Variants in SNTG2 observed in about 807,000 individuals in gnomAD.
SNTG2 encodes the protein gamma-2-syntrophin.
A neutral mutation model predicts 70.9 loss-of-function variants in SNTG2; 74 were observed. The ratio of observed to expected loss-of-function variants is 1.04; its 90% CI spans 0.86 to 1.27. The LOEUF (loss-of-function observed/expected upper bound fraction) is 1.27, where lower values mean the gene tolerates loss of function less well. Ranked by LOEUF, SNTG2 falls within the 50% of genes most tolerant of loss-of-function variation. SNTG2 has a pLI of 0.00. For missense variants in SNTG2, 717 were observed against 690.7 expected, an observed-to-expected ratio of 1.04 and a Z score of -0.43; for synonymous variants, 278 against 273.8, an observed-to-expected ratio of 1.02 and a Z score of -0.15.
At chr2:953,639 G>A (rs962368063) in intron 1 of SNTG2, among the ~76,000 whole-genome samples, 5 of 152,142 alleles carry the variant, frequency 3.3e-5, no homozygotes, top group Non-Finnish European at 7.4e-5. Context: ...TTCTATTGAC[G>A]TCTATGACAT....
At chr2:996,268 A>C (rs1239505009) in intron 1 of SNTG2, among the ~76,000 whole-genome samples, 2 of 152,196 alleles carry the variant, frequency 1.3e-5, no homozygotes, top group East Asian at 3.9e-4. Context: ...AGAACTTTTC[A>C]AACACTTACC....
chr2:1,065,274 G>A (rs1294766427), intron 1 of SNTG2, among the ~76,000 whole-genome samples: 1 of 152,078 alleles, frequency 6.6e-6, no homozygotes, highest in Non-Finnish European at 1.5e-5. Flanking sequence ...TCACCACAAG[G>A]CATCTGACAT....
intron 1 of SNTG2, among the ~76,000 whole-genome samples, chr2:957,656 C>T (rs530125509): frequency 6.6e-6 from 1 of 152,150 alleles, no homozygotes; most frequent in South Asian, 2.1e-4. Context: ...GTTCCCTCTT[C>T]TATAGATGAG....
chr2:1,202,624 G>T (rs1240332745), intron 8 of SNTG2, among the ~76,000 whole-genome samples: 1 of 152,112 alleles, frequency 6.6e-6, no homozygotes, highest in Non-Finnish European at 1.5e-5. Context: ...AAAGGTAAAA[G>T]TTGTCAGACT....
chr2:1,006,320 AG>A (rs1659570501), intron 1 of SNTG2, among the ~76,000 whole-genome samples: 1 of 152,040 alleles, frequency 6.6e-6, no homozygotes, highest in African/African-American at 2.4e-5. Flanking sequence ...ATTAAAAAAA[AG>A]AAAAAAAATG....
At chr2:990,764 A>G (rs969708105) in intron 1 of SNTG2, among the ~76,000 whole-genome samples, 2 of 152,190 alleles carry the variant, frequency 1.3e-5, no homozygotes, top group Admixed American at 1.3e-4. Context: ...ATTAAAATAA[A>G]TGCAATAAAA....
chr2:1,153,889 T>C (rs1669681259), intron 6 of SNTG2, among the ~76,000 whole-genome samples: 1 of 152,142 alleles, frequency 6.6e-6, no homozygotes, highest in South Asian at 2.1e-4. Context: ...TGGCAACTGC[T>C]AAAATAGGGA....
intron 14 of SNTG2, among the ~76,000 whole-genome samples, chr2:1,293,534 G>A (rs954648142): frequency 1.3e-4 from 20 of 150,522 alleles, no homozygotes; most frequent in Non-Finnish European, 2.5e-4. Flanking sequence ...ACTGTGTTGT[G>A]TGAATTCTGG....
At chr2:1,245,275 AAAAAG>A (rs2148126738) in intron 11 of SNTG2, among the ~76,000 whole-genome samples, 2 of 152,206 alleles carry the variant, frequency 1.3e-5, no homozygotes, top group East Asian at 3.9e-4. Flanking sequence ...AATAATAAAA[AAAAAG>A]GAAAAAAAAA....
rs1490301641 is a variant in SNTG2, at chr2:1,055,562, A to G, written c.73-27956A>G. On this transcript the variant is annotated intron_variant, in intron 1 of 16. Transcript: ENST00000308624. The stretch of plus-strand genomic sequence containing the variant: ...GCTGAATGCCCATCGAGACAAAAAT[A>G]CTAATTTTGAGTCAGTGTGATGCCA... Among the ~76,000 whole-genome samples the G allele has an allele frequency of 5.3e-5, 8 of 152,288 alleles. No homozygotes were observed. The South Asian group carries it at 1.7e-3, about 32-fold the overall frequency.
At chr2:1,308,009 C>T (rs1680787204) in intron 14 of SNTG2, among the ~76,000 whole-genome samples, 2 of 152,196 alleles carry the variant, frequency 1.3e-5, no homozygotes, top group African/African-American at 4.8e-5. Context: ...CAGTACTGCG[C>T]TGCTGCTTGG....
intron 10 of SNTG2, among the ~76,000 whole-genome samples, 156 bp downstream of exon 10, chr2:1,238,173 A>C (rs1227177279): frequency 6.6e-6 from 1 of 152,186 alleles, no homozygotes; most frequent in Non-Finnish European, 1.5e-5. Flanking sequence ...ATTAAAAATG[A>C]AGCCATCAGA....
intron 14 of SNTG2, among the ~76,000 whole-genome samples, chr2:1,272,690 C>A (rs374887441): frequency 1.0e-5 from 1 of 100,024 alleles, no homozygotes; most frequent in Non-Finnish European, 2.0e-5. Context: ...AGAAAGGACA[C>A]CCCAGGGAGC....
intron 14 of SNTG2, among the ~76,000 whole-genome samples, chr2:1,280,662 G>A (rs144527272): frequency 1.7e-4 from 26 of 152,220 alleles, no homozygotes; most frequent in African/African-American, 6.0e-4. Context: ...TTATTCATTC[G>A]CTTAAATCCT....
intron 8 of SNTG2, among the ~76,000 whole-genome samples, chr2:1,190,247 T>C (rs1015441032): frequency 1.3e-5 from 2 of 151,914 alleles, no homozygotes; most frequent in African/African-American, 4.8e-5. Flanking sequence ...TTATATAAAA[T>C]GGTATAATTA....
chr2:991,279 A>G (rs1340589786), intron 1 of SNTG2, among the ~76,000 whole-genome samples: 1 of 151,900 alleles, frequency 6.6e-6, no homozygotes, highest in African/African-American at 2.4e-5. Flanking sequence ...ACCTCAAAGA[A>G]TGATTCAATT....
chr2:1,132,981 C>T (rs910943461), intron 4 of SNTG2, among the ~76,000 whole-genome samples: 1 of 152,162 alleles, frequency 6.6e-6, no homozygotes, highest in African/African-American at 2.4e-5. Context: ...TAAAGTCGTA[C>T]CATATGTCTT....
intron 1 of SNTG2, among the ~76,000 whole-genome samples, chr2:975,242 A>G (rs565024876): frequency 6.6e-6 from 1 of 152,010 alleles, no homozygotes; most frequent in South Asian, 2.1e-4. Context: ...GTGAGCAAAC[A>G]CCACATGCTT....
In SNTG2 at chr2:1,291,745, A is replaced by G. The variant is rs527340549; in HGVS notation, c.1285-16749A>G. On this transcript the variant is annotated intron_variant, in intron 14 of 16. Coordinates refer to ENST00000308624, the MANE Select transcript of SNTG2 (RefSeq NM_018968.4). ...AGTGCAACATTGTTTTGATTAATGT[A>G]GCTTTGCAGTAAGTTTTGAAATCAG... Among the ~76,000 whole-genome samples, 16 of 152,322 alleles carry G rather than the reference A, an allele frequency of 1.1e-4. No individual in the cohort carries two copies. The East Asian group carries it at 3.1e-3, about 29-fold the overall frequency.
Sources: gnomAD v4.1 joint callset for allele counts (sites outside exome capture counted in the v4.1 genomes callset) on GRCh38, gnomAD v4.1.1 for gene constraint, MANE v1.5 for transcripts, NCBI Gene and HGNC (gene_info 2026-07-23, HGNC 2026-07-21) for gene names.